Variants in FBXO47 observed in about 807,000 individuals in gnomAD.
The protein encoded by FBXO47 is F-box only protein 47.
FBXO47 carries 34 observed loss-of-function variants against 53.9 expected under a neutral mutation model. That is an observed-to-expected ratio of 0.63 (90% CI 0.48 to 0.84). The LOEUF (loss-of-function observed/expected upper bound fraction) is 0.84. Among genes scored for constraint, FBXO47 ranks in the 40% least tolerant of loss-of-function variants. The pLI, the probability that FBXO47 is intolerant of heterozygous loss-of-function variation, is 0.00. For synonymous variants in FBXO47, 165 were observed against 181.6 expected (o/e 0.91, Z 0.73); for missense variants, 485 against 541.3 (o/e 0.90, Z 1.03).
Position 38,957,609 on chromosome 17 carries a change from A to G in FBXO47, c.353-356T>C, listed in dbSNP as rs146093467. On this transcript the variant is annotated intron_variant, in intron 3 of 10. Transcript: ENST00000378079. ...TATTCCACAGAAAACAGATTTCAAT[A>G]TCTCTTGAAATTAACCTCATGTCCA... 4.1e-3 allele frequency among the ~76,000 whole-genome samples: 630 copies of G among 152,146 alleles called. 5 individuals carry two copies. The highest frequency in any genetic ancestry group is 0.014 in the African/African-American group (596 of 41,524).
At chr17:38,945,247 T>A (rs1598138660) in intron 6 of FBXO47, 111 bp from the exon 7 acceptor site, 1 of 737,860 alleles carries the variant, frequency 1.4e-6, no homozygotes, top group African/African-American at 1.8e-5. Context: ...GTAAACTAGG[T>A]TTCTAAACAG....
At chr17:38,952,754 T>A (rs1905357249) in intron 5 of FBXO47, among the ~76,000 whole-genome samples, 1 of 151,804 alleles carries the variant, frequency 6.6e-6, no homozygotes, top group Non-Finnish European at 1.5e-5. Flanking sequence ...TCATTTATGA[T>A]ATTGCTTATA....
At chr17:38,951,254 G>A (rs1203139412) in intron 6 of FBXO47, among the ~76,000 whole-genome samples, 1 of 151,396 alleles carries the variant, frequency 6.6e-6, no homozygotes, top group Admixed American at 6.6e-5. Context: ...GAGTGTGGTG[G>A]TGCGATCACA....
chr17:38,963,689 G>C (rs1018505719), intron 1 of FBXO47, among the ~76,000 whole-genome samples: 1 of 152,058 alleles, frequency 6.6e-6, no homozygotes, highest in Non-Finnish European at 1.5e-5. Context: ...ACACAAAAAA[G>C]TAGGTGGCAT....
At chr17:38,937,613 G>A (rs912176875) in intron 10 of FBXO47, among the ~76,000 whole-genome samples, 1 of 151,648 alleles carries the variant, frequency 6.6e-6, no homozygotes, top group Non-Finnish European at 1.5e-5. Context: ...CGCCTTATAC[G>A]TATATAATTT....
intron 7 of FBXO47, among the ~76,000 whole-genome samples, chr17:38,944,165 C>T (rs1374217918): frequency 6.7e-6 from 1 of 149,448 alleles, no homozygotes; most frequent in Middle Eastern, 3.5e-3. Flanking sequence ...CTGGGCAACA[C>T]AGCGAGACTC....
At chr17:38,954,802 TTTG>T in intron 5 of FBXO47, 51 bp downstream of exon 5, 1 of 1,007,060 alleles carries the variant, frequency 9.9e-7, no homozygotes, top group South Asian at 1.5e-5. Flanking sequence ...GGATATTCTA[TTTG>T]TTATCAGTTC....
intron 7 of FBXO47, among the ~76,000 whole-genome samples, chr17:38,944,451 C>T (rs987710878): frequency 2.8e-4 from 43 of 151,484 alleles, no homozygotes; most frequent in Non-Finnish European, 5.0e-4. Context: ...ATCTGTAATC[C>T]CAGCACTTTG....
chr17:38,946,314 A>AG (rs1904814960), intron 6 of FBXO47, among the ~76,000 whole-genome samples: 1 of 50,068 alleles, frequency 2.0e-5, no homozygotes, highest in African/African-American at 6.6e-5. Context: ...ATAAATATAT[A>AG]AATATATATA....
At chr17:38,941,971 C>T (rs984808544) in intron 9 of FBXO47, among the ~76,000 whole-genome samples, 6 of 151,806 alleles carry the variant, frequency 4.0e-5, no homozygotes, top group East Asian at 3.9e-4. Context: ...CCATCCCGTC[C>T]GGCCTAAATA....
chr17:38,941,272 T>TG (rs1413840753), intron 9 of FBXO47, among the ~76,000 whole-genome samples: 1 of 151,718 alleles, frequency 6.6e-6, no homozygotes, highest in Non-Finnish European at 1.5e-5. Context: ...CAGGCTCAAG[T>TG]GATTCTCCTG....
chr17:38,941,616 AATATTATATATATAT>A (rs1401952801), intron 9 of FBXO47, among the ~76,000 whole-genome samples: 1 of 104,026 alleles, frequency 9.6e-6, no homozygotes, highest in African/African-American at 4.4e-5. Flanking sequence ...AAATAAATAT[AATATTATATATATAT>A]ATATATATAT....
At chr17:38,942,568 T>A (rs1173655612) in intron 9 of FBXO47, among the ~76,000 whole-genome samples, 1 of 152,172 alleles carries the variant, frequency 6.6e-6, no homozygotes, top group African/African-American at 2.4e-5. Flanking sequence ...CACTCCAGCC[T>A]GGACAAAAGA....
At position 38,948,207 on chromosome 17, in the gene FBXO47, ATTTTTTT is replaced by A. The variant is rs869282186; in HGVS notation, c.617-3078_617-3072del. Among the ~76,000 whole-genome samples, 297 of 89,298 alleles carry A rather than the reference ATTTTTTT, an allele frequency of 3.3e-3. 1 individual carries two copies. The highest frequency in any genetic ancestry group is 8.3e-3 in the African/African-American group (189 of 22,750). The allele number at this position is 89,298 out of a possible 152,430, so 58.6% of individuals were successfully genotyped here. On this transcript the variant is annotated intron_variant, in intron 6 of 10. Transcript: ENST00000378079. ...ATCTCCATGGATTTCCCTATTCTGG[ATTTTTTT>A]TTTTTTTTTTTTTTTTTGAGACAGA... is the stretch of plus-strand genomic sequence containing the variant.
At chr17:38,942,756 A>C (rs774813260) in intron 9 of FBXO47, 22 bp downstream of exon 9, 1 of 1,597,226 alleles carries the variant, frequency 6.3e-7, no homozygotes, top group Non-Finnish European at 8.5e-7. Context: ...AACTTGCTAG[A>C]GAAAAACTTA....
At chr17:38,950,096 TG>T (rs879635613) in intron 6 of FBXO47, among the ~76,000 whole-genome samples, 3 of 152,160 alleles carry the variant, frequency 2.0e-5, no homozygotes, top group Non-Finnish European at 4.4e-5. Context: ...TTTACACTGT[TG>T]TTCAACCACC....
In FBXO47 at chr17:38,962,833, C is replaced by T; in HGVS notation, c.181+12G>A. On this transcript the variant is annotated intron_variant, in intron 2 of 10. Transcript: ENST00000378079. The stretch of plus-strand genomic sequence containing the variant: ...GTCTTGTGTAGGCTATTCATAAGTT[C>T]CCAAACCTCACCTGACAAATATTTT... 6.3e-7 allele frequency: 1 copy of T among 1,598,984 alleles called. No individual in the cohort carries two copies. The highest frequency in any genetic ancestry group is 8.5e-7 in the Non-Finnish European group (1 of 1,170,076).
Position 38,945,069 on chromosome 17 carries a change from T to C in FBXO47, c.684A>G (p.Thr228=). ...FCRNVLLDHW[T]HRSDSAFWLT... Reference sequence around the variant, plus strand: ...ACCAAAAAGCAGAATCACTTCGATGTGTCCAATGATCAAGGAGGACATTCC... The same window carrying C: ...ACCAAAAAGCAGAATCACTTCGATGCGTCCAATGATCAAGGAGGACATTCC... The change falls in exon 7 of 11, where the codon ACA becomes ACG. Residue 228 remains threonine, a synonymous_variant. Transcript: ENST00000378079. The C allele has an allele frequency of 4.3e-6, 7 of 1,614,028 alleles. No individual in the cohort carries two copies. Among genetic ancestry groups the C allele is most frequent in the Non-Finnish European group, 5.9e-6 (7 of 1,179,906 alleles).
At chr17:38,942,431 A>G (rs916504009) in intron 9 of FBXO47, among the ~76,000 whole-genome samples, 3 of 152,110 alleles carry the variant, frequency 2.0e-5, no homozygotes, top group Non-Finnish European at 4.4e-5. Context: ...CGTCTCTACT[A>G]AAAACACAAA....
Sources: allele counts gnomAD v4.1 joint callset (sites outside exome capture counted in the v4.1 genomes callset), GRCh38; gene constraint gnomAD v4.1.1; transcripts MANE v1.5; gene names NCBI Gene and HGNC (gene_info 2026-07-23, HGNC 2026-07-21).